Variants in SUGCT observed in about 807,000 individuals in gnomAD.
The protein encoded by SUGCT is succinyl-CoA:glutarate-CoA transferase.
A neutral mutation model predicts 55.0 loss-of-function variants in SUGCT; 41 were observed. The observed-to-expected ratio is 0.74, with a 90% CI of 0.58 to 0.97. SUGCT has a LOEUF of 0.97. SUGCT is among the 50% of genes least tolerant of loss of function. SUGCT has a pLI of 0.00. For synonymous variants in SUGCT, 187 were observed against 200.4 expected (o/e 0.93, Z 0.56); for missense variants, 568 against 547.8 (o/e 1.04, Z -0.37).
chr7:40,861,988 T>G (rs923161090), downstream of SUGCT, among the ~76,000 whole-genome samples: 1 of 152,204 alleles, frequency 6.6e-6, no homozygotes, highest in African/African-American at 2.4e-5. Flanking sequence ...GCTTGTACAT[T>G]TAATATGAAA....
intron 12 of SUGCT, among the ~76,000 whole-genome samples, chr7:40,641,377 T>A (rs7459324): frequency 1.3e-5 from 2 of 152,036 alleles, no homozygotes; most frequent in African/African-American, 4.8e-5. Flanking sequence ...GTTAATGAAG[T>A]TTGCATTTAA....
chr7:40,482,641 T>A (rs1791116436), intron 11 of SUGCT, among the ~76,000 whole-genome samples: 1 of 152,174 alleles, frequency 6.6e-6, no homozygotes, highest in African/African-American at 2.4e-5. Context: ...TTTCCTATAT[T>A]ATGTTTCCAT....
chr7:41,028,717 A>G, the SUGCT span, among the ~76,000 whole-genome samples: 1 of 152,230 alleles, frequency 6.6e-6, no homozygotes, highest in Non-Finnish European at 1.5e-5. Context: ...TGTACAGTCC[A>G]TTGTTGACTA....
chr7:40,558,106 A>G lies in SUGCT; in HGVS notation c.1089+61720A>G, dbSNP rs572725528. Among the ~76,000 whole-genome samples, 9 of 151,998 alleles carry G rather than the reference A, an allele frequency of 5.9e-5. No individual in the cohort carries two copies. In the East Asian group the frequency reaches 1.7e-3, roughly 29 times the overall value. Reference sequence around the variant, plus strand: ...GGGATGGCTATTCCATACAAAAAAAAAAAAACCAGAAAATAAAAAGTTTTG... The same window carrying G: ...GGGATGGCTATTCCATACAAAAAAAGAAAAACCAGAAAATAAAAAGTTTTG... On this transcript the variant is annotated intron_variant, in intron 12 of 13. Transcript: ENST00000335693.
chr7:40,497,558 G>A (rs1183166368), intron 12 of SUGCT, among the ~76,000 whole-genome samples: 6 of 152,102 alleles, frequency 3.9e-5, no homozygotes, highest in African/African-American at 9.7e-5. Context: ...ATCTGAAAGG[G>A]ACCCCACACC....
chr7:40,766,482 A>T (rs1482604315), intron 13 of SUGCT, among the ~76,000 whole-genome samples: 1 of 152,092 alleles, frequency 6.6e-6, no homozygotes, highest in Non-Finnish European at 1.5e-5. Context: ...AGTGCTGGGA[A>T]AATCTTTATT....
chr7:40,766,903 T>G (rs533997677), intron 13 of SUGCT, among the ~76,000 whole-genome samples: 2 of 152,156 alleles, frequency 1.3e-5, no homozygotes, highest in African/African-American at 2.4e-5. Context: ...CTATGGGGAA[T>G]TTAACAATAT....
At chr7:40,633,579 A>G (rs1799891309) in intron 12 of SUGCT, among the ~76,000 whole-genome samples, 1 of 152,228 alleles carries the variant, frequency 6.6e-6, no homozygotes, top group African/African-American at 2.4e-5. Context: ...TGCTTGGTAC[A>G]AAATCAAGCA....
chr7:40,788,052 C>A (rs34994199), intron 13 of SUGCT, among the ~76,000 whole-genome samples: 17,497 of 152,156 alleles, frequency 0.11, 1,312 homozygotes, highest in South Asian at 0.23. Flanking sequence ...CCTGCTGTAT[C>A]CATGAAAGCC....
At chr7:40,461,719 A>C (rs1341757734) in intron 11 of SUGCT, among the ~76,000 whole-genome samples, 1 of 152,202 alleles carries the variant, frequency 6.6e-6, no homozygotes, top group Non-Finnish European at 1.5e-5. Context: ...CAGAACTTGC[A>C]GGCATTTTAT....
At chr7:40,841,878 G>A (rs1257392271) in intron 13 of SUGCT, among the ~76,000 whole-genome samples, 1 of 152,118 alleles carries the variant, frequency 6.6e-6, no homozygotes, top group Non-Finnish European at 1.5e-5. Context: ...TATTACTCGT[G>A]TATTTAATTA....
intron 12 of SUGCT, among the ~76,000 whole-genome samples, chr7:40,682,522 A>G (rs569858613): frequency 1.3e-5 from 2 of 152,168 alleles, no homozygotes; most frequent in Non-Finnish European, 2.9e-5. Flanking sequence ...CTCCAGGTAG[A>G]TAATGTCAGC....
chr7:40,308,534 C>T (rs1484266263), intron 8 of SUGCT, among the ~76,000 whole-genome samples: 1 of 152,158 alleles, frequency 6.6e-6, no homozygotes, highest in Non-Finnish European at 1.5e-5. Context: ...TATCTCAGAT[C>T]CTTACCCAGG....
At chr7:40,630,108 C>T (rs572740330) in intron 12 of SUGCT, among the ~76,000 whole-genome samples, 33 of 152,334 alleles carry the variant, frequency 2.2e-4, no homozygotes, top group Non-Finnish European at 3.7e-4. Flanking sequence ...CCAGCCAGAG[C>T]GATCCTACGC....
chr7:40,284,853 A>G (rs1793213680), intron 8 of SUGCT, among the ~76,000 whole-genome samples: 1 of 152,192 alleles, frequency 6.6e-6, no homozygotes, highest in Non-Finnish European at 1.5e-5. Flanking sequence ...AAGTAATGCT[A>G]TTGGTTAGGT....
At chr7:40,851,702 T>C (rs1027083766) in intron 13 of SUGCT, among the ~76,000 whole-genome samples, 1 of 152,212 alleles carries the variant, frequency 6.6e-6, no homozygotes, top group Non-Finnish European at 1.5e-5. Context: ...AAAGTAAAAG[T>C]ACCTTAATTT....
At chr7:40,713,933 C>G (rs970240629) in intron 12 of SUGCT, among the ~76,000 whole-genome samples, 2 of 152,194 alleles carry the variant, frequency 1.3e-5, no homozygotes, top group African/African-American at 4.8e-5. Context: ...TATCTAACTT[C>G]CATTTCCCAT....
chr7:40,272,696 G>C (rs984661099), intron 7 of SUGCT, among the ~76,000 whole-genome samples: 1 of 142,256 alleles, frequency 7.0e-6, no homozygotes, highest in African/African-American at 2.6e-5. Context: ...GTCTTGCTCT[G>C]TTACCCATGC....
the SUGCT span, among the ~76,000 whole-genome samples, chr7:40,931,134 G>A: frequency 6.6e-6 from 1 of 152,264 alleles, no homozygotes; most frequent in South Asian, 2.1e-4. Context: ...AGCATGAAGG[G>A]CAGTTGAATT....
Sources: gnomAD v4.1 joint callset for allele counts (sites outside exome capture counted in the v4.1 genomes callset) on GRCh38, gnomAD v4.1.1 for gene constraint, MANE v1.5 for transcripts, NCBI Gene and HGNC (gene_info 2026-07-23, HGNC 2026-07-21) for gene names.